Variants in DNAH17 observed in about 807,000 individuals in gnomAD.
DNAH17 encodes the protein dynein axonemal heavy chain 17.
DNAH17 carries 376 observed loss-of-function variants against 485.6 expected under a neutral mutation model. That is an observed-to-expected ratio of 0.77 (90% CI 0.71 to 0.84). The LOEUF (loss-of-function observed/expected upper bound fraction) is 0.84, where lower values mean the gene tolerates loss of function less well. DNAH17 is among the 40% of genes least tolerant of loss of function. DNAH17 has a pLI of 0.00. For missense variants in DNAH17, 6,370 were observed against 5,839.3 expected, an observed-to-expected ratio of 1.09 and a Z score of -2.96; for synonymous variants, 3,031 against 2,405.9, an observed-to-expected ratio of 1.26 and a Z score of -7.60.
chr17:78,427,613 G>A (rs1317204883), intron 77 of DNAH17, among the ~76,000 whole-genome samples: 1 of 152,226 alleles, frequency 6.6e-6, no homozygotes, highest in Non-Finnish European at 1.5e-5. Context: ...CTCACATCAA[G>A]AATTCAGTCT....
chr17:78,570,343 G>A lies in DNAH17; in HGVS notation c.948C>T (p.Asp316=), dbSNP rs944956306. 1 of 1,610,582 alleles carries A rather than the reference G, an allele frequency of 6.2e-7. No homozygotes were observed. The highest frequency in any genetic ancestry group is 8.5e-7 in the Non-Finnish European group (1 of 1,178,748). ...AGGTGGCCCAGATGAAGCAGATGGT[G>A]TCCAGCACCTTGGCAATGAAGGTGG... is the stretch of plus-strand genomic sequence containing the variant. ...MLPTFIAKVL[D]TICFIWATSE... is the part of the protein sequence containing the mutation. Residue 316 remains aspartate (D), a synonymous_variant, in exon 7 of 81, where the codon GAC becomes GAT. Transcript: ENST00000389840.
intron 52 of DNAH17, among the ~76,000 whole-genome samples, chr17:78,476,215 C>T (rs73377093): frequency 0.039 from 5,040 of 129,456 alleles, 275 homozygotes; most frequent in African/African-American, 0.12. Flanking sequence ...CCCACAGCCA[C>T]GTGCCGGAGT....
At chr17:78,534,867 G>C (rs1363405542) in intron 19 of DNAH17, among the ~76,000 whole-genome samples, 1 of 152,120 alleles carries the variant, frequency 6.6e-6, no homozygotes, top group Non-Finnish European at 1.5e-5. Context: ...CAACTCCTCT[G>C]GGTTGGCCAC....
chr17:78,508,901 A>C (rs2090560356), intron 27 of DNAH17, among the ~76,000 whole-genome samples: 1 of 151,634 alleles, frequency 6.6e-6, no homozygotes, highest in Non-Finnish European at 1.5e-5. Context: ...TCCTGAGCTC[A>C]ATTCATCCTC....
intron 54 of DNAH17, among the ~76,000 whole-genome samples, chr17:78,470,996 T>C (rs2088722761): frequency 6.6e-6 from 1 of 152,242 alleles, no homozygotes. Context: ...CATTTCCATG[T>C]ATATATATGT....
In DNAH17 at chr17:78,504,941, T is replaced by C. The variant is rs530361995; in HGVS notation, c.4956+352A>G. On this transcript the variant is annotated intron_variant, in intron 31 of 80. Transcript: ENST00000389840. ...TTTTTTTTGAGACGGAGTCTCACTC[T>C]GTCACCCAGGCTGGAGTGCAGTGGC... Among the ~76,000 whole-genome samples the C allele has an allele frequency of 9.4e-5, 12 of 128,318 alleles. No homozygotes were observed. The East Asian group carries it at 1.4e-3, about 15-fold the overall frequency. The allele number at this position is 128,318 out of a possible 152,430, so 84.2% of individuals were successfully genotyped here.
Position 78,453,330 on chromosome 17 carries a change from G to A in DNAH17, c.10529+13C>T, listed in dbSNP as rs749302500. On this transcript the variant is annotated intron_variant, in intron 65 of 80. Transcript: ENST00000389840. ...TTTACCTGGCTCAAGCCACGGAGGC[G>A]GAAACAACTCACTTTCCCTTTTTAA... 52 of 1,612,006 alleles carry A rather than the reference G, an allele frequency of 3.2e-5. No homozygotes were observed. Among genetic ancestry groups the A allele is most frequent in the South Asian group, 6.6e-5 (6 of 90,790 alleles).
At chr17:78,429,334 C>T in intron 75 of DNAH17, 34 bp from the exon 76 acceptor site, 1 of 1,596,576 alleles carries the variant, frequency 6.3e-7, no homozygotes, top group Non-Finnish European at 8.6e-7. Flanking sequence ...GGGGAAAGTG[C>T]CCCTGTGCCC....
rs1011212578 is a variant in DNAH17 at position 78,551,580 on chromosome 17, C to A, written c.2346G>T (p.Met782Ile). 5.0e-6 allele frequency: 8 copies of A among 1,613,878 alleles called. No homozygotes were observed. The highest frequency in any genetic ancestry group is 3.3e-5 in the Admixed American group (2 of 60,006). ...CTTCTATATTTTGTTTTGCCTTTTG[C>A]ATCCTGTTCTGCAAGTTGTGCAGAA... ...REILHNLQNRMQKAKQNIEGI... is the reference protein window; with the variant it reads ...REILHNLQNRIQKAKQNIEGI... Residue 782 changes from methionine to isoleucine, a missense_variant, in exon 16 of 81, where the codon ATG becomes ATT. Transcript: ENST00000389840.
At chr17:78,495,604 A>C (rs2090041933) in intron 38 of DNAH17, among the ~76,000 whole-genome samples, 1 of 151,834 alleles carries the variant, frequency 6.6e-6, no homozygotes, top group Admixed American at 6.6e-5. Flanking sequence ...CACCGAGCTA[A>C]TTTTTGTATT....
At chr17:78,426,403 C>G in intron 79 of DNAH17, 54 bp downstream of exon 79, 1 of 1,519,898 alleles carries the variant, frequency 6.6e-7, no homozygotes, top group South Asian at 1.3e-5. Flanking sequence ...GTGCCGAGCT[C>G]TGGGCACTCG....
At chr17:78,504,307 C>G (rs1224111133) in intron 31 of DNAH17, among the ~76,000 whole-genome samples, 1 of 152,090 alleles carries the variant, frequency 6.6e-6, no homozygotes, top group Non-Finnish European at 1.5e-5. Flanking sequence ...TCAGATGATC[C>G]GCCCACCTCG....
At position 78,494,701 on chromosome 17, in the gene DNAH17, G is replaced by A. The variant is rs749206687; in HGVS notation, c.6162C>T (p.Phe2054=). 6.2e-6 allele frequency: 10 copies of A among 1,613,810 alleles called. No homozygotes were observed. The highest frequency in any genetic ancestry group is 1.7e-5 in the Admixed American group (1 of 60,010). ...DQVLMRALRD[F]NIPKIVTDDL... ...CGTCTGTCACAATCTTGGGGATGTTGAAGTCTCTCAGCGCCCGCATGAGCA... is the reference window on the plus strand; with the variant it reads ...CGTCTGTCACAATCTTGGGGATGTTAAAGTCTCTCAGCGCCCGCATGAGCA... The change falls in exon 40 of 81, where the codon TTC becomes TTT. Residue 2054 remains phenylalanine, a synonymous_variant. Transcript: ENST00000389840.
At chr17:78,501,390 C>G in intron 34 of DNAH17, 46 bp from the exon 35 acceptor site, 1 of 1,547,616 alleles carries the variant, frequency 6.5e-7, no homozygotes, top group South Asian at 1.2e-5. Flanking sequence ...AATACAAGAG[C>G]TAGGGCTGCC....
intron 1 of DNAH17, 78 bp from the exon 2 acceptor site, chr17:78,575,160 A>G: frequency 2.1e-6 from 2 of 954,364 alleles, no homozygotes; most frequent in Non-Finnish European, 3.1e-6. Flanking sequence ...CACCGCAGGA[A>G]ATCTCTGTTT....
intron 25 of DNAH17, among the ~76,000 whole-genome samples, chr17:78,517,534 C>T (rs998872310): frequency 4.6e-5 from 7 of 152,202 alleles, no homozygotes; most frequent in Non-Finnish European, 8.8e-5. Flanking sequence ...CTTGGCCTGT[C>T]CTTATCTTTC....
chr17:78,426,834 G>A, intron 78 of DNAH17, 92 bp downstream of exon 78: 1 of 1,459,474 alleles, frequency 6.9e-7, no homozygotes, highest in Non-Finnish European at 9.4e-7. Context: ...GCTGATCCGG[G>A]GCCTGTGCTA....
At chr17:78,564,243 T>TA in intron 11 of DNAH17, among the ~76,000 whole-genome samples, 1 of 152,182 alleles carries the variant, frequency 6.6e-6, no homozygotes, top group East Asian at 1.9e-4. Context: ...CCCAGACCCG[T>TA]ACGCTGGTCC....
intron 18 of DNAH17, 75 bp from the exon 19 acceptor site, chr17:78,537,556 C>CA: frequency 6.7e-7 from 1 of 1,481,928 alleles, no homozygotes; most frequent in East Asian, 2.4e-5. Flanking sequence ...CCTGATCATC[C>CA]ACTCCGTACC....
Sources: gnomAD v4.1 joint callset for allele counts (sites outside exome capture counted in the v4.1 genomes callset) on GRCh38, gnomAD v4.1.1 for gene constraint, MANE v1.5 for transcripts, NCBI Gene and HGNC (gene_info 2026-07-23, HGNC 2026-07-21) for gene names.